ARFIP1: variants seen among roughly 807,000 people sequenced by gnomAD.
The protein encoded by ARFIP1 is ARF interacting protein 1.
In ARFIP1, 24 loss-of-function variants were observed where a neutral mutation model predicts 42.5. That is an observed-to-expected ratio of 0.57 (90% CI 0.41 to 0.80). The LOEUF (loss-of-function observed/expected upper bound fraction) is 0.80. Among genes scored for constraint, ARFIP1 ranks in the 30% least tolerant of loss-of-function variants. The pLI is 0.00. For synonymous variants in ARFIP1, 141 were observed against 153.7 expected, an observed-to-expected ratio of 0.92 and a Z score of 0.61; for missense variants, 354 against 434.0, an observed-to-expected ratio of 0.82 and a Z score of 1.64.
At chr4:152,874,898 A>G (rs1735196826) in intron 5 of ARFIP1, among the ~76,000 whole-genome samples, 2 of 152,080 alleles carry the variant, frequency 1.3e-5, no homozygotes, top group African/African-American at 4.8e-5. Flanking sequence ...CCTGGGTTCA[A>G]GCAGTCCTCC....
intron 1 of ARFIP1, among the ~76,000 whole-genome samples, chr4:152,801,436 A>G (rs1280593074): frequency 6.6e-6 from 1 of 152,140 alleles, no homozygotes; most frequent in Non-Finnish European, 1.5e-5. Context: ...GATGGAAAGG[A>G]ATGTGGTTCA....
At chr4:152,845,208 C>T (rs1248744240) in intron 2 of ARFIP1, among the ~76,000 whole-genome samples, 1 of 152,102 alleles carries the variant, frequency 6.6e-6, no homozygotes, top group African/African-American at 2.4e-5. Context: ...TAAAAAATTA[C>T]TTCAGATGGA....
At chr4:152,804,008 A>AAT (rs560275552) in intron 1 of ARFIP1, among the ~76,000 whole-genome samples, 2 of 136,518 alleles carry the variant, frequency 1.5e-5, no homozygotes, top group Non-Finnish European at 3.1e-5. Context: ...TATAACATGT[A>AAT]ATATATATAT....
chr4:152,872,716 G>T, intron 5 of ARFIP1, 152 bp downstream of exon 5: 1 of 508,806 alleles, frequency 2.0e-6, no homozygotes, highest in Non-Finnish European at 3.4e-6. Flanking sequence ...TGAAGTATTT[G>T]TTTTATCATT....
chr4:152,816,256 A>T (rs1729879068), intron 1 of ARFIP1, among the ~76,000 whole-genome samples: 1 of 152,234 alleles, frequency 6.6e-6, no homozygotes, highest in Admixed American at 6.5e-5. Flanking sequence ...CTAGATTTTC[A>T]TCTTACTCAG....
rs568923378 is a variant in ARFIP1, at chr4:152,793,346, T to C, written c.-10+13120T>C. On this transcript the variant is annotated intron_variant, in intron 1 of 8. Transcript: ENST00000353617. ...AAAAATGATATATATATATATAATA[T>C]ATATATAATATTTAGTACCTATCTC... is the stretch of plus-strand genomic sequence containing the variant. Among the ~76,000 whole-genome samples the C allele has an allele frequency of 3.4e-5, 5 of 148,064 alleles. No individual in the cohort carries two copies. In the South Asian group the frequency reaches 1.0e-3, roughly 31 times the overall value.
At chr4:152,800,353 A>G (rs1226981723) in intron 1 of ARFIP1, among the ~76,000 whole-genome samples, 1 of 152,166 alleles carries the variant, frequency 6.6e-6, no homozygotes, top group African/African-American at 2.4e-5. Flanking sequence ...GTTTAATGCT[A>G]CAATAACCCT....
chr4:152,910,080 A>G lies in ARFIP1; in HGVS notation c.983A>G (p.Asn328Ser), dbSNP rs995407893. 3 of 1,614,088 alleles carry G rather than the reference A, an allele frequency of 1.9e-6. No individual in the cohort carries two copies. Among genetic ancestry groups the G allele is most frequent in the African/African-American group, 2.7e-5 (2 of 74,926 alleles). ...LEENKVKVLH[N>S]QLVLFHNAIA... is the part of the protein sequence containing the mutation. ...TGTCCACAGGTTAAAGTATTGCACAATCAGCTGGTCCTTTTCCACAATGCC... is the reference window on the plus strand; with the variant it reads ...TGTCCACAGGTTAAAGTATTGCACAGTCAGCTGGTCCTTTTCCACAATGCC... The change falls in exon 9 of 9, where the codon AAT becomes AGT. Residue 328 changes from asparagine to serine, a missense_variant. Coordinates refer to ENST00000353617, the MANE Select transcript of ARFIP1 (RefSeq NM_001025595.3).
intron 8 of ARFIP1, among the ~76,000 whole-genome samples, chr4:152,907,887 A>G (rs1295648934): frequency 6.6e-6 from 1 of 152,216 alleles, no homozygotes; most frequent in Non-Finnish European, 1.5e-5. Flanking sequence ...AAGTTTTTCT[A>G]TGGCAGATTC....
At chr4:152,785,299 A>G (rs748260671) in intron 1 of ARFIP1, among the ~76,000 whole-genome samples, 1 of 152,224 alleles carries the variant, frequency 6.6e-6, no homozygotes, top group African/African-American at 2.4e-5. Context: ...TACTCCAGCC[A>G]TACCAAATAG....
intron 5 of ARFIP1, 84 bp from the exon 6 acceptor site, chr4:152,880,879 A>G: frequency 9.1e-7 from 1 of 1,094,526 alleles, no homozygotes; most frequent in Non-Finnish European, 1.3e-6. Flanking sequence ...GTTTGAATCC[A>G]AAAAATGGTG....
chr4:152,804,202 GTATTATATATTATATATA>G (rs1728723943), intron 1 of ARFIP1, among the ~76,000 whole-genome samples: 1 of 113,514 alleles, frequency 8.8e-6, no homozygotes, highest in African/African-American at 3.6e-5. Context: ...AATATAACAT[GTATTATATATTATATATA>G]ATATAACATG....
intron 2 of ARFIP1, among the ~76,000 whole-genome samples, chr4:152,861,795 G>C (rs7680475): frequency 6.6e-6 from 1 of 151,938 alleles, no homozygotes; most frequent in Non-Finnish European, 1.5e-5. Flanking sequence ...CCACTTCATT[G>C]TTATATTTAA....
chr4:152,832,813 G>GT (rs1400354944), intron 2 of ARFIP1, among the ~76,000 whole-genome samples: 5 of 152,216 alleles, frequency 3.3e-5, no homozygotes, highest in African/African-American at 4.8e-5. Context: ...GATCAGCACT[G>GT]TTTTTTGAAA....
At chr4:152,815,153 A>G (rs1729767459) in intron 1 of ARFIP1, among the ~76,000 whole-genome samples, 1 of 152,034 alleles carries the variant, frequency 6.6e-6, no homozygotes, top group African/African-American at 2.4e-5. Flanking sequence ...GGGATATCCC[A>G]GAGTGTAGTT....
intron 5 of ARFIP1, among the ~76,000 whole-genome samples, chr4:152,875,316 T>C (rs1476865744): frequency 1.3e-5 from 2 of 151,328 alleles, no homozygotes; most frequent in African/African-American, 4.8e-5. Context: ...TTTACTTAAG[T>C]TTTTGATTTT....
intron 5 of ARFIP1, among the ~76,000 whole-genome samples, chr4:152,877,541 T>A (rs1019290578): frequency 2.6e-5 from 4 of 152,206 alleles, no homozygotes; most frequent in Admixed American, 6.5e-5. Flanking sequence ...TGTGGACTTT[T>A]GGGTTAAGAC....
Position 152,843,492 on chromosome 4 carries a change from G to T in ARFIP1, c.93+13766G>T, listed in dbSNP as rs529811712. ...TGCCCTAGAACTCCCAGGAGTATAC[G>T]CATTTGTCTTCAGCTACCAGGGTGG... On this transcript the variant is annotated intron_variant, in intron 2 of 8. Transcript: ENST00000353617. Among the ~76,000 whole-genome samples the T allele has an allele frequency of 9.9e-5, 15 of 151,222 alleles. No homozygotes were observed. In the South Asian group the frequency reaches 2.3e-3, roughly 23 times the overall value.
intron 1 of ARFIP1, among the ~76,000 whole-genome samples, chr4:152,798,978 T>C (rs1731640689): frequency 6.6e-6 from 1 of 152,236 alleles, no homozygotes; most frequent in African/African-American, 2.4e-5. Context: ...CAGGGAGATC[T>C]GAGTTCTGGT....
Sources: allele counts gnomAD v4.1 joint callset (sites outside exome capture counted in the v4.1 genomes callset), GRCh38; gene constraint gnomAD v4.1.1; transcripts MANE v1.5; gene names NCBI Gene and HGNC (gene_info 2026-07-23, HGNC 2026-07-21).